Variants in LRRC37A3 observed in about 807,000 individuals in gnomAD.
LRRC37A3 encodes the protein leucine rich repeat containing 37 member A3.
LRRC37A3 carries 25 observed loss-of-function variants against 106.2 expected under a neutral mutation model. The observed-to-expected ratio is 0.24, with a 90% confidence interval of 0.17 to 0.33. The LOEUF is 0.33. Ranked by LOEUF, LRRC37A3 falls within the 10% of genes least tolerant of loss-of-function variation. The pLI, the probability that LRRC37A3 is intolerant of heterozygous loss-of-function variation, is 1.00. For missense variants in LRRC37A3, 712 were observed against 1,644.9 expected, an observed-to-expected ratio of 0.43 and a Z score of 9.81; for synonymous variants, 305 against 635.8, an observed-to-expected ratio of 0.48 and a Z score of 7.83.
intron 8 of LRRC37A3, among the ~76,000 whole-genome samples, chr17:64,874,178 G>T (rs934083939): frequency 1.3e-5 from 2 of 152,232 alleles, no homozygotes; most frequent in African/African-American, 2.4e-5. Context: ...CTCAAGAATT[G>T]CTTGAAGCCA....
chr17:64,876,028 A>C (rs1336231253), intron 8 of LRRC37A3, among the ~76,000 whole-genome samples: 1 of 152,128 alleles, frequency 6.6e-6, no homozygotes, highest in Non-Finnish European at 1.5e-5. Flanking sequence ...GCACCACCAC[A>C]CTCGGCTAAC....
intron 2 of LRRC37A3, among the ~76,000 whole-genome samples, chr17:64,904,044 CAGG>C (rs1974390045): frequency 6.6e-6 from 1 of 151,434 alleles, no homozygotes; most frequent in Admixed American, 6.6e-5. Context: ...GAGTGTCAGG[CAGG>C]AGAATCACTT....
intron 2 of LRRC37A3, among the ~76,000 whole-genome samples, chr17:64,917,829 G>C (rs374281064): frequency 6.9e-6 from 1 of 145,416 alleles, no homozygotes; most frequent in East Asian, 1.9e-4. Flanking sequence ...TTCGCCAGGC[G>C]TAGTGGCGGG....
intron 8 of LRRC37A3, among the ~76,000 whole-genome samples, chr17:64,873,418 C>T (rs546359445): frequency 2.0e-5 from 3 of 152,258 alleles, no homozygotes; most frequent in South Asian, 4.1e-4. Flanking sequence ...CCTCAGCCTC[C>T]CAAAGTGCTG....
chr17:64,871,551 G>C (rs1412929844), intron 8 of LRRC37A3: 2 of 151,616 alleles, frequency 1.3e-5, no homozygotes, highest in East Asian at 1.9e-4. Flanking sequence ...TCACAACCAT[G>C]ATCCCACTAG....
intron 2 of LRRC37A3, among the ~76,000 whole-genome samples, chr17:64,910,637 CTTTTTTTTTTTT>C (rs926231139): frequency 9.7e-4 from 94 of 96,490 alleles, no homozygotes; most frequent in Non-Finnish European, 1.3e-3. Flanking sequence ...ATTGTCCCCC[CTTTTTTTTTTTT>C]TTTTTTTTTT....
chr17:64,868,034 G>A (rs532519124), intron 10 of LRRC37A3, among the ~76,000 whole-genome samples: 6 of 151,968 alleles, frequency 3.9e-5, no homozygotes, highest in East Asian at 3.9e-4. Context: ...AGGTCATGCC[G>A]CTGCACTGCA....
chr17:64,869,301 C>G (rs1442963013), intron 8 of LRRC37A3, 135 bp from the exon 9 acceptor site: 1 of 1,411,174 alleles, frequency 7.1e-7, no homozygotes, highest in Middle Eastern at 2.6e-4. Context: ...CCTAAGAAAT[C>G]ACCATTAGAC....
Position 64,859,612 on chromosome 17 carries a change from C to T in LRRC37A3, c.4534G>A (p.Val1512Met), listed in dbSNP as rs538481988. Residue 1512 changes from valine to methionine, a missense_variant, in exon 12 of 15, where the codon GTG (valine) becomes ATG (methionine). Val to Met is a conservative substitution (Grantham distance 21). Coordinates refer to ENST00000584306, the MANE Select transcript of LRRC37A3 (RefSeq NM_199340.5). ...KMDCSGAHVQ[V>M]TCAKLVSRTG... is the part of the protein sequence containing the mutation. ...CTGGAGACGAGCTTGGCACAGGTCA[C>T]TTGCACATGGGCCCCAGAGCAGTCC... The T allele has an allele frequency of 1.2e-6, 2 of 1,613,374 alleles. No individual in the cohort carries two copies. Among genetic ancestry groups the T allele is most frequent in the East Asian group, 4.5e-5 (2 of 44,872 alleles).
chr17:64,899,912 A>C (rs1437973427), intron 2 of LRRC37A3: 1 of 150,622 alleles, frequency 6.6e-6, no homozygotes, highest in African/African-American at 2.5e-5. Flanking sequence ...CCTGCACTCA[A>C]AAAGCAGTTT....
intron 8 of LRRC37A3, among the ~76,000 whole-genome samples, chr17:64,869,848 T>C (rs1395366129): frequency 1.3e-5 from 2 of 151,562 alleles, no homozygotes; most frequent in Non-Finnish European, 2.9e-5. Flanking sequence ...GCTGCTTGTC[T>C]TTTATCTTTA....
intron 10 of LRRC37A3, 80 bp downstream of exon 10, chr17:64,868,382 T>G: frequency 6.7e-7 from 1 of 1,481,780 alleles, no homozygotes; most frequent in Non-Finnish European, 9.2e-7. Flanking sequence ...TATACCTCAA[T>G]GAACCTGACT....
Position 64,915,723 on chromosome 17 carries a change from G to A in LRRC37A3, c.-496+3027C>T, listed in dbSNP as rs201876550. Among the ~76,000 whole-genome samples, 9 of 152,342 alleles carry A rather than the reference G, an allele frequency of 5.9e-5. No individual in the cohort carries two copies. In the East Asian group the frequency reaches 1.7e-3, roughly 29 times the overall value. ...CTAAGACAATGAAACACAAGGCACA[G>A]ATGGGGAGAAAATGTATGAACATCA... On this transcript the variant is annotated intron_variant, in intron 2 of 14. Transcript: ENST00000584306.
chr17:64,873,344 T>C (rs1973384499), intron 8 of LRRC37A3, among the ~76,000 whole-genome samples: 1 of 151,572 alleles, frequency 6.6e-6, no homozygotes, highest in South Asian at 2.1e-4. Flanking sequence ...TTATTTTTTA[T>C]AGGTGGGGTC....
At position 64,872,131 on chromosome 17, in the gene LRRC37A3, CAAAAAAAAAA is replaced by C. The variant is rs1225535618; in HGVS notation, c.2907-2975_2907-2966del. ...TGGGCAACAGAGTGAGACTCTGTCTCAAAAAAAAAAAAAAAAAAAAAAGAGAGACATCCAA... is the reference window on the plus strand; with the variant it reads ...TGGGCAACAGAGTGAGACTCTGTCTCAAAAAAAAAAAAGAGAGACATCCAA... On this transcript the variant is annotated intron_variant, in intron 8 of 14. Transcript: ENST00000584306. Among the ~76,000 whole-genome samples, 5 of 22,660 alleles carry C rather than the reference CAAAAAAAAAA, an allele frequency of 2.2e-4. No homozygotes were observed. In the East Asian group the frequency reaches 5.5e-3, roughly 25 times the overall value. The allele number at this position is 22,660 out of a possible 152,430, so 14.9% of individuals were successfully genotyped here.
At chr17:64,869,306 T>C (rs915972612) in intron 8 of LRRC37A3, 140 bp from the exon 9 acceptor site, 2 of 1,381,534 alleles carry the variant, frequency 1.4e-6, no homozygotes, top group Non-Finnish European at 9.8e-7. Context: ...GAAATCACCA[T>C]TAGACTCCGT....
intron 4 of LRRC37A3, among the ~76,000 whole-genome samples, chr17:64,893,863 A>G (rs1974040622): frequency 6.7e-6 from 1 of 148,296 alleles, no homozygotes; most frequent in African/African-American, 2.6e-5. Context: ...CATGTTAGCC[A>G]GGATGGTCTT....
intron 2 of LRRC37A3, among the ~76,000 whole-genome samples, chr17:64,908,947 G>T (rs1440738435): frequency 6.6e-6 from 1 of 151,100 alleles, no homozygotes; most frequent in African/African-American, 2.5e-5. Context: ...AATTTTTTTT[G>T]TATTTTTAAT....
In LRRC37A3 at chr17:64,869,388, G is replaced by C. The variant is rs995204562; in HGVS notation, c.2907-222C>G. ...GATAGAACGCGGGGAAGAACTACAA[G>C]GAAAAAAAAAGTGGATAGCAAAGAA... On this transcript the variant is annotated intron_variant, in intron 8 of 14. Transcript: ENST00000584306. Among the ~76,000 whole-genome samples, 9 of 151,060 alleles carry C rather than the reference G, an allele frequency of 6.0e-5. No homozygotes were observed. In the South Asian group the frequency reaches 1.0e-3, roughly 18 times the overall value.
Sources: allele counts gnomAD v4.1 joint callset (sites outside exome capture counted in the v4.1 genomes callset), GRCh38; gene constraint gnomAD v4.1.1; transcripts MANE v1.5; gene names NCBI Gene and HGNC (gene_info 2026-07-23, HGNC 2026-07-21).